Variants in SIRT5 observed in about 807,000 individuals in gnomAD.
SIRT5 encodes the protein sirtuin 5, also known as NAD-dependent protein deacylase sirtuin-5, mitochondrial.
Under a neutral mutation model 40.0 loss-of-function variants are expected in SIRT5, and 26 were observed. The observed-to-expected ratio is 0.65, with a 90% confidence interval of 0.48 to 0.90. SIRT5 has a LOEUF of 0.90. Ranked by LOEUF, SIRT5 falls within the 40% of genes least tolerant of loss-of-function variation. The pLI, the probability that SIRT5 is intolerant of heterozygous loss-of-function variation, is 0.00. For missense variants in SIRT5, 401 were observed against 402.4 expected, an observed-to-expected ratio of 1.00 and a Z score of 0.03; for synonymous variants, 146 against 149.1, an observed-to-expected ratio of 0.98 and a Z score of 0.15.
chr6:13,593,519 C>G (rs997162341), intron 5 of SIRT5, among the ~76,000 whole-genome samples: 3 of 152,118 alleles, frequency 2.0e-5, no homozygotes, highest in African/African-American at 4.8e-5. Context: ...CAATGCCTAT[C>G]TTATAGAATT....
chr6:13,610,256 T>A (rs1763654846), intron 9 of SIRT5, among the ~76,000 whole-genome samples: 1 of 152,084 alleles, frequency 6.6e-6, no homozygotes, highest in Non-Finnish European at 1.5e-5. Flanking sequence ...TAGGCATGAG[T>A]CACTATGCCC....
At chr6:13,589,015 T>C (rs1030272430) in intron 4 of SIRT5, 2 of 152,788 alleles carry the variant, frequency 1.3e-5, no homozygotes, top group Non-Finnish European at 2.9e-5. Context: ...CATAGTTGTA[T>C]AGCCAGCACC....
At chr6:13,604,694 ACTGAACTTGGTGGTTTTTC>A in intron 9 of SIRT5, 1 of 1,383,556 alleles carries the variant, frequency 7.2e-7, no homozygotes, top group Non-Finnish European at 9.3e-7. Context: ...TGTGAAAGAA[ACTGAACTTGGTGGTTTTTC>A]CTGCCAGTTC....
chr6:13,585,094 A>C (rs947455661), intron 3 of SIRT5: 10 of 152,256 alleles, frequency 6.6e-5, no homozygotes, highest in African/African-American at 1.9e-4. Flanking sequence ...TGACAAAAAC[A>C]AGCAGCCTAT....
intron 4 of SIRT5, among the ~76,000 whole-genome samples, chr6:13,591,338 C>T (rs1760874569): frequency 6.6e-6 from 1 of 152,160 alleles, no homozygotes; most frequent in South Asian, 2.1e-4. Flanking sequence ...AAAGGGGATT[C>T]GACCCAAAAT....
intron 7 of SIRT5, 27 bp downstream of exon 7, chr6:13,597,043 G>C (rs769412686): frequency 1.3e-6 from 2 of 1,557,476 alleles, no homozygotes; most frequent in South Asian, 2.4e-5. Context: ...GATTTGTACT[G>C]GTGTTCCAGG....
rs1475067807 is a variant in SIRT5 at position 13,612,948 on chromosome 6, T to C, written c.*1083T>C. 1 of 152,140 alleles carries C rather than the reference T, an allele frequency of 6.6e-6. No individual in the cohort carries two copies. Among genetic ancestry groups the C allele is most frequent in the African/African-American group, 2.4e-5 (1 of 41,418 alleles). 9.4% of individuals were successfully genotyped at this position (152,140 alleles called of 1,614,324 possible). On this transcript the variant is annotated 3_prime_UTR_variant, in exon 10 of 10. Coordinates refer to ENST00000606117, the MANE Select transcript of SIRT5 (RefSeq NM_012241.5). Reference sequence around the variant, plus strand: ...TGAACTCTGCTGGGAGTTTTTTCCATGGGACTTTAAAAAATGATGCCCTTA... The same window carrying C: ...TGAACTCTGCTGGGAGTTTTTTCCACGGGACTTTAAAAAATGATGCCCTTA...
chr6:13,585,406 C>T (rs555292520), intron 3 of SIRT5, among the ~76,000 whole-genome samples: 3 of 151,984 alleles, frequency 2.0e-5, no homozygotes, highest in South Asian at 2.1e-4. Context: ...CACCACCCCC[C>T]GACAGGCCCC....
At position 13,599,154 on chromosome 6, in the gene SIRT5, T is replaced by A; in HGVS notation, c.740T>A (p.Val247Glu). 1 of 1,613,742 alleles carries A rather than the reference T, an allele frequency of 6.2e-7. No individual in the cohort carries two copies. Among genetic ancestry groups the A allele is most frequent in the Non-Finnish European group, 8.5e-7 (1 of 1,179,806 alleles). Residue 247 changes from valine to glutamate, a missense_variant and splice_region_variant, in exon 8 of 10, where the codon GTG becomes GAG. Physicochemically the swap from Val to Glu is moderately radical, Grantham distance 121 (BLOSUM62 -2). Transcript: ENST00000606117. ...RELAHCDLCL[V>E]VGTSSVVYPA... The stretch of plus-strand genomic sequence containing the variant: ...CTCGCCCACTGTGATTTATGTCTAG[T>A]GGTGGGTCATGCCCTTCCCTAACCC...
chr6:13,604,730 G>A (rs201799995), intron 9 of SIRT5: 1 of 1,337,946 alleles, frequency 7.5e-7, no homozygotes, highest in Non-Finnish European at 9.5e-7. Context: ...GTTCAGGAGA[G>A]ATTCTTGGCA....
At chr6:13,578,862 C>T (rs1331636355) in intron 1 of SIRT5, among the ~76,000 whole-genome samples, 1 of 151,980 alleles carries the variant, frequency 6.6e-6, no homozygotes, top group South Asian at 2.1e-4. Context: ...GAAAAGGCAT[C>T]GTTAAATGAC....
At chr6:13,606,938 T>A (rs1763193750) in intron 9 of SIRT5, among the ~76,000 whole-genome samples, 1 of 150,918 alleles carries the variant, frequency 6.6e-6, no homozygotes, top group Non-Finnish European at 1.5e-5. Flanking sequence ...TGCCTTAGCC[T>A]CCCGAAGTGC....
At chr6:13,599,299 G>A in intron 8 of SIRT5, 144 bp downstream of exon 8, 1 of 834,344 alleles carries the variant, frequency 1.2e-6, no homozygotes, top group Non-Finnish European at 1.8e-6. Context: ...TCCTTCAAAT[G>A]TATGTTGAGA....
chr6:13,582,515 A>G (rs1759477082), intron 2 of SIRT5, among the ~76,000 whole-genome samples: 1 of 151,782 alleles, frequency 6.6e-6, no homozygotes. Flanking sequence ...TAATAAAATT[A>G]ACCCTTTGTT....
intron 1 of SIRT5, among the ~76,000 whole-genome samples, chr6:13,577,225 T>C (rs566995973): frequency 1.3e-5 from 2 of 152,360 alleles, no homozygotes; most frequent in South Asian, 4.1e-4. Flanking sequence ...ACATTGAATC[T>C]GTAGATTGCT....
intron 9 of SIRT5, among the ~76,000 whole-genome samples, 175 bp downstream of exon 9, chr6:13,601,124 A>C (rs998011602): frequency 1.3e-5 from 2 of 152,212 alleles, no homozygotes; most frequent in African/African-American, 4.8e-5. Context: ...AGACTAAGGT[A>C]GGGTAGCTCT....
At chr6:13,582,002 C>G (rs1261190424) in intron 2 of SIRT5, among the ~76,000 whole-genome samples, 1 of 152,180 alleles carries the variant, frequency 6.6e-6, no homozygotes, top group African/African-American at 2.4e-5. Context: ...AACAAAGCCC[C>G]ACTTCCATGA....
chr6:13,600,268 G>A (rs1461481934), intron 8 of SIRT5, among the ~76,000 whole-genome samples: 2 of 152,212 alleles, frequency 1.3e-5, no homozygotes, highest in African/African-American at 4.8e-5. Flanking sequence ...GCTTCCCAGT[G>A]TTGAGTATAG....
chr6:13,579,941 T>C (rs565706349), intron 2 of SIRT5, among the ~76,000 whole-genome samples: 1 of 152,246 alleles, frequency 6.6e-6, no homozygotes, highest in Admixed American at 6.5e-5. Context: ...GTCAAAAGTT[T>C]ATCATGCCCA....
Sources: gnomAD v4.1 joint callset for allele counts (sites outside exome capture counted in the v4.1 genomes callset) on GRCh38, gnomAD v4.1.1 for gene constraint, MANE v1.5 for transcripts, NCBI Gene and HGNC (gene_info 2026-07-23, HGNC 2026-07-21) for gene names.